The following RBMS3 variants were observed in gnomAD, a reference collection of about 807,000 sequenced individuals.
RBMS3 encodes the protein RNA-binding motif, single-stranded-interacting protein 3.
Under a neutral mutation model 66.8 loss-of-function variants are expected in RBMS3, and 27 were observed. The ratio of observed to expected loss-of-function variants is 0.40; its 90% CI spans 0.30 to 0.56. RBMS3 has a LOEUF of 0.56. Ranked by LOEUF, RBMS3 falls within the 20% of genes least tolerant of loss-of-function variation. The pLI, the probability that RBMS3 is intolerant of heterozygous loss-of-function variation, is 0.40. For missense variants in RBMS3, 513 were observed against 549.5 expected (o/e 0.93, Z 0.66); for synonymous variants, 188 against 183.0 (o/e 1.03, Z -0.22).
At chr3:29,674,381 A>G (rs558678837) in intron 4 of RBMS3, among the ~76,000 whole-genome samples, 3 of 152,296 alleles carry the variant, frequency 2.0e-5, no homozygotes, top group Non-Finnish European at 2.9e-5. Context: ...CCTATTCAAC[A>G]TAGTGTCGGA....
At chr3:29,482,758 A>G (rs1483469755) in intron 2 of RBMS3, among the ~76,000 whole-genome samples, 4 of 116,754 alleles carry the variant, frequency 3.4e-5, no homozygotes, top group African/African-American at 1.0e-4. Context: ...CCCAGGCTGG[A>G]GTGCAGTGGC....
intron 3 of RBMS3, among the ~76,000 whole-genome samples, chr3:29,541,774 A>C (rs9812490): frequency 1.3e-5 from 2 of 150,716 alleles, no homozygotes; most frequent in Non-Finnish European, 3.0e-5. Context: ...TCTGTCCCCC[A>C]CCTCCTCTGC....
intron 2 of RBMS3, among the ~76,000 whole-genome samples, chr3:29,471,462 G>A (rs1016833825): frequency 1.3e-5 from 2 of 152,154 alleles, no homozygotes; most frequent in Non-Finnish European, 2.9e-5. Flanking sequence ...TTAAAGTTAA[G>A]ACAAGCGAAC....
At chr3:29,756,475 G>A (rs2055418500) in intron 5 of RBMS3, among the ~76,000 whole-genome samples, 1 of 152,124 alleles carries the variant, frequency 6.6e-6, no homozygotes, top group South Asian at 2.1e-4. Flanking sequence ...GTCTTACATG[G>A]CAGTAGGCAA....
chr3:29,996,165 CAAAG>C (rs1164854151), intron 14 of RBMS3, among the ~76,000 whole-genome samples: 6 of 148,968 alleles, frequency 4.0e-5, no homozygotes, highest in South Asian at 4.3e-4. Flanking sequence ...TCAAAAGAGA[CAAAG>C]AAGGCCATTA....
At chr3:29,722,722 T>C (rs1412216987) in intron 4 of RBMS3, among the ~76,000 whole-genome samples, 1 of 152,098 alleles carries the variant, frequency 6.6e-6, no homozygotes, top group African/African-American at 2.4e-5. Flanking sequence ...CTTAGATCTA[T>C]GGGATGTTTT....
chr3:29,884,351 A>G, intron 8 of RBMS3, 143 bp downstream of exon 8: 5 of 733,404 alleles, frequency 6.8e-6, no homozygotes, highest in Non-Finnish European at 1.1e-5. Flanking sequence ...TTTCATCATT[A>G]TAGTTTTTTT....
At chr3:29,902,545 A>C (rs2060281216) in intron 10 of RBMS3, among the ~76,000 whole-genome samples, 1 of 150,958 alleles carries the variant, frequency 6.6e-6, no homozygotes, top group South Asian at 2.1e-4. Context: ...TTCAACACCT[A>C]AAACTTAAAA....
chr3:29,980,842 T>C (rs1697936556), intron 12 of RBMS3, among the ~76,000 whole-genome samples: 1 of 152,216 alleles, frequency 6.6e-6, no homozygotes, highest in Non-Finnish European at 1.5e-5. Flanking sequence ...AGCCTTATAG[T>C]ATAGTTTGAA....
At chr3:29,290,576 G>C (rs1257161082) in intron 1 of RBMS3, 1 of 151,792 alleles carries the variant, frequency 6.6e-6, no homozygotes. Flanking sequence ...TGCATTTTTA[G>C]TCTAAGGTAG....
chr3:29,378,200 C>T (rs935731992), intron 1 of RBMS3, among the ~76,000 whole-genome samples: 12 of 152,116 alleles, frequency 7.9e-5, no homozygotes, highest in African/African-American at 2.9e-4. Context: ...AGGCCGGGCA[C>T]GGTGGCTCAC....
At chr3:29,330,549 G>T (rs1395963084) in intron 1 of RBMS3, among the ~76,000 whole-genome samples, 1 of 151,854 alleles carries the variant, frequency 6.6e-6, no homozygotes. Flanking sequence ...ATTCTGGGTG[G>T]GTATCTATTC....
rs184777520 is a variant in RBMS3 at position 29,474,630 on chromosome 3, A to G, written c.249-13811A>G. Among the ~76,000 whole-genome samples, 71 of 152,346 alleles carry G rather than the reference A, an allele frequency of 4.7e-4. 1 individual carries two copies. The highest frequency in any genetic ancestry group is 3.5e-3 in the Admixed American group (54 of 15,300). On this transcript the variant is annotated intron_variant, in intron 2 of 14. Coordinates refer to ENST00000383767, the MANE Select transcript of RBMS3 (RefSeq NM_001003793.3). The stretch of plus-strand genomic sequence containing the variant: ...GACACAGACAAGGAAGGCACAATTT[A>G]TGTTTTCAAGTAACTCTCAGAAATA...
At chr3:29,984,228 A>T (rs999543668) in intron 12 of RBMS3, among the ~76,000 whole-genome samples, 1 of 151,880 alleles carries the variant, frequency 6.6e-6, no homozygotes, top group African/African-American at 2.4e-5. Flanking sequence ...TCTATGCTTC[A>T]TGAAGTTCTC....
intron 12 of RBMS3, among the ~76,000 whole-genome samples, chr3:29,945,259 C>T (rs1373398399): frequency 2.0e-5 from 3 of 151,620 alleles, no homozygotes; most frequent in Non-Finnish European, 4.4e-5. Flanking sequence ...GGTTTTCAAG[C>T]AGGGGAAATC....
At chr3:29,591,957 G>A (rs1168230772) in intron 4 of RBMS3, among the ~76,000 whole-genome samples, 1 of 151,974 alleles carries the variant, frequency 6.6e-6, no homozygotes, top group Non-Finnish European at 1.5e-5. Context: ...GAGACTAAGT[G>A]TCCCAGAGGA....
chr3:29,565,160 T>C (rs1197342944), intron 3 of RBMS3, among the ~76,000 whole-genome samples: 1 of 152,152 alleles, frequency 6.6e-6, no homozygotes, highest in Non-Finnish European at 1.5e-5. Context: ...TCATCACCAG[T>C]TTAGGAAAGG....
intron 3 of RBMS3, among the ~76,000 whole-genome samples, chr3:29,513,812 T>C (rs1355323470): frequency 2.0e-5 from 3 of 152,176 alleles, no homozygotes; most frequent in African/African-American, 7.2e-5. Context: ...TAAAAATGTG[T>C]TCTTTTCCTT....
chr3:29,329,467 C>A (rs2035525582), intron 1 of RBMS3, among the ~76,000 whole-genome samples: 1 of 151,936 alleles, frequency 6.6e-6, no homozygotes, highest in East Asian at 1.9e-4. Flanking sequence ...CAATAAAAGC[C>A]ACAGGAAGCA....
Sources: gnomAD v4.1 joint callset for allele counts (sites outside exome capture counted in the v4.1 genomes callset) on GRCh38, gnomAD v4.1.1 for gene constraint, MANE v1.5 for transcripts, NCBI Gene and HGNC (gene_info 2026-07-23, HGNC 2026-07-21) for gene names.